Variants in KDM6A observed in about 807,000 individuals in gnomAD.
KDM6A encodes lysine-specific demethylase 6A.
Under a neutral mutation model 117.6 loss-of-function variants are expected in KDM6A, and 11 were observed. The observed-to-expected ratio is 0.09, with a 90% confidence interval of 0.06 to 0.15. KDM6A has a LOEUF of 0.15. KDM6A is among the 10% of genes least tolerant of loss of function. The probability of loss-of-function intolerance (pLI) is 1.00; values close to 1 mark genes in which losing one functional copy is unlikely to be tolerated. For synonymous variants in KDM6A, 384 were observed against 396.1 expected (o/e 0.97, Z 0.36); for missense variants, 799 against 1,077.3 (o/e 0.74, Z 3.62).
At chrX:44,877,680 C>T (rs12393337) in intron 2 of KDM6A, among the ~76,000 whole-genome samples, 23,583 of 108,754 alleles carry the variant, frequency 0.22, 4,285 homozygotes, top group African/African-American at 0.6. Flanking sequence ...ATCTTATCTG[C>T]GTCAGGGAAC....
chrX:45,011,363 G>A (rs2041750114), intron 5 of KDM6A, among the ~76,000 whole-genome samples: 1 of 111,179 alleles, frequency 9.0e-6, no homozygotes, highest in African/African-American at 3.3e-5. Flanking sequence ...CAGAAGTCAA[G>A]ATATGTGGGT....
At position 45,037,534 on chromosome X, in the gene KDM6A, A is replaced by G. The variant is rs563760495; in HGVS notation, c.620-121A>G. 323 of 516,595 alleles carry G rather than the reference A, an allele frequency of 6.3e-4. 1 individual carries two copies. The highest frequency in any genetic ancestry group is 2.8e-3 in the South Asian group (82 of 29,515). 42.6% of individuals were successfully genotyped at this position (516,595 alleles called of 1,213,427 possible). On this transcript the variant is annotated intron_variant, in intron 7 of 29. Coordinates refer to ENST00000611820, the MANE Select transcript of KDM6A (RefSeq NM_001291415.2). ...AAGCAAATAAAAGTTATGTTTTTCTATTACTTAAATCTATATAGTGTAGAC... is the reference window on the plus strand; with the variant it reads ...AAGCAAATAAAAGTTATGTTTTTCTGTTACTTAAATCTATATAGTGTAGAC...
intron 8 of KDM6A, among the ~76,000 whole-genome samples, chrX:45,045,588 GAA>G (rs569636939): frequency 2.5e-4 from 9 of 35,663 alleles, no homozygotes; most frequent in African/African-American, 4.4e-4. Context: ...TCTGTCTCAA[GAA>G]AAAAAAAAAA....
chrX:45,042,294 G>GA lies in KDM6A; in HGVS notation c.654+4606dup, dbSNP rs2043299224. On this transcript the variant is annotated intron_variant, in intron 8 of 29. Coordinates refer to ENST00000611820, the MANE Select transcript of KDM6A (RefSeq NM_001291415.2). ...AGGGGAGAGGGGAGAGGGGAGAGGG[G>GA]AGAGGGGAGAGGGAGAGTCATTTGA... Among the ~76,000 whole-genome samples, 3 of 68,980 alleles carry GA rather than the reference G, an allele frequency of 4.3e-5. No individual in the cohort carries two copies. In the South Asian group the frequency reaches 2.5e-3, roughly 56 times the overall value. 59.9% of individuals were successfully genotyped at this position (68,980 alleles called of 115,157 possible). A position where few individuals can be genotyped will look rare whatever the true frequency, so the allele number is the denominator to read the frequency against.
intron 2 of KDM6A, among the ~76,000 whole-genome samples, chrX:44,943,489 A>G (rs1316764200): frequency 9.2e-6 from 1 of 109,120 alleles, no homozygotes; most frequent in African/African-American, 3.3e-5. Context: ...AAAATGAGGG[A>G]TGCCTGTTTG....
rs750232174 is a variant in KDM6A at position 45,003,560 on chromosome X, A to G, written c.385-7401A>G. On this transcript the variant is annotated intron_variant, in intron 4 of 29. Coordinates refer to ENST00000611820, the MANE Select transcript of KDM6A (RefSeq NM_001291415.2). ...TCAGTGGCCTCAGTGCTTTTGGGCT[A>G]TGCCCTTGTTTACACTGACAAGGTG... Among the ~76,000 whole-genome samples, 11 of 110,970 alleles carry G rather than the reference A, an allele frequency of 9.9e-5. No individual in the cohort carries two copies. In the East Asian group the frequency reaches 2.0e-3, roughly 20 times the overall value.
chrX:45,040,732 C>T (rs1328859329), intron 8 of KDM6A, among the ~76,000 whole-genome samples: 2 of 66,082 alleles, frequency 3.0e-5, no homozygotes, highest in African/African-American at 1.3e-4. Context: ...GCTGACCCCC[C>T]CACCTCCCTC....
chrX:45,099,464 C>G (rs2046247707), intron 27 of KDM6A, among the ~76,000 whole-genome samples: 5 of 110,487 alleles, frequency 4.5e-5, no homozygotes, highest in Admixed American at 9.7e-5. Context: ...GTTCTACATT[C>G]TGGATTTGTT....
intron 5 of KDM6A, among the ~76,000 whole-genome samples, chrX:45,018,043 G>C (rs2042033357): frequency 9.0e-6 from 1 of 111,514 alleles, no homozygotes; most frequent in African/African-American, 3.3e-5. Flanking sequence ...TAGCTGAGGA[G>C]GAGCAATAAT....
intron 2 of KDM6A, among the ~76,000 whole-genome samples, chrX:44,945,527 T>C (rs1243014596): frequency 9.0e-6 from 1 of 110,913 alleles, no homozygotes; most frequent in Non-Finnish European, 1.9e-5. Flanking sequence ...TTCAAATGTA[T>C]GCCTTGTATG....
At chrX:45,058,962 A>G (rs2044194153) in intron 10 of KDM6A, 44 bp from the exon 11 acceptor site, 1 of 1,101,427 alleles carries the variant, frequency 9.1e-7, no homozygotes, top group Admixed American at 2.2e-5. Context: ...TTCAGTATTA[A>G]TGGAATTCTC....
chrX:45,032,410 C>G (rs2042635581), intron 6 of KDM6A, among the ~76,000 whole-genome samples: 1 of 112,000 alleles, frequency 8.9e-6, no homozygotes, highest in Non-Finnish European at 1.9e-5. Context: ...TTCTTCATCT[C>G]TCTTGAGAGT....
At chrX:45,007,852 C>T (rs2041575086) in intron 4 of KDM6A, among the ~76,000 whole-genome samples, 1 of 112,155 alleles carries the variant, frequency 8.9e-6, no homozygotes, top group African/African-American at 3.2e-5. Flanking sequence ...ATTGCTTATT[C>T]TCTGATGCAG....
At chrX:44,946,818 C>T (rs2037662695) in intron 2 of KDM6A, among the ~76,000 whole-genome samples, 1 of 110,981 alleles carries the variant, frequency 9.0e-6, no homozygotes, top group African/African-American at 3.3e-5. Context: ...GTTGCGTTAC[C>T]AGGTTTCCAC....
chrX:44,881,037 G>T (rs1391020427), intron 2 of KDM6A, among the ~76,000 whole-genome samples: 1 of 112,249 alleles, frequency 8.9e-6, no homozygotes, highest in East Asian at 2.8e-4. Context: ...AGATGGCTTT[G>T]TGACAGTCAC....
chrX:45,005,953 A>C (rs74524765), intron 4 of KDM6A, among the ~76,000 whole-genome samples: 152 of 23,337 alleles, frequency 6.5e-3, no homozygotes, highest in Admixed American at 7.2e-3. Context: ...ACTTCACCTC[A>C]CCCCCCCACC....
intron 27 of KDM6A, among the ~76,000 whole-genome samples, chrX:45,098,405 C>CACTT (rs957344506): frequency 1.8e-5 from 2 of 112,753 alleles, no homozygotes; most frequent in African/African-American, 6.4e-5. Context: ...AAATAGACTA[C>CACTT]ACTTGGTAAT....
intron 4 of KDM6A, among the ~76,000 whole-genome samples, chrX:44,989,185 G>T (rs2040429877): frequency 9.9e-6 from 1 of 101,186 alleles, no homozygotes; most frequent in Non-Finnish European, 2.0e-5. Flanking sequence ...AGGGTCCCTG[G>T]GCTTAGGACC....
In KDM6A at chrX:45,111,444, C is replaced by T; in HGVS notation, c.*33C>T. The stretch of plus-strand genomic sequence containing the variant: ...CCATGGACATTAAATGAGACCTTTT[C>T]TGCTATTCAGGAAATAACCCAGTTC... On this transcript the variant is annotated 3_prime_UTR_variant, in exon 30 of 30. Coordinates refer to ENST00000611820, the MANE Select transcript of KDM6A (RefSeq NM_001291415.2). 1 of 1,137,085 alleles carries T rather than the reference C, an allele frequency of 8.8e-7. No individual in the cohort carries two copies. Among genetic ancestry groups the T allele is most frequent in the Non-Finnish European group, 1.2e-6 (1 of 828,834 alleles). 93.7% of individuals were successfully genotyped at this position (1,137,085 alleles called of 1,213,427 possible).
Sources: allele counts gnomAD v4.1 joint callset (sites outside exome capture counted in the v4.1 genomes callset), GRCh38; gene constraint gnomAD v4.1.1; transcripts MANE v1.5; gene names NCBI Gene and HGNC (gene_info 2026-07-23, HGNC 2026-07-21).